The following CDK8 variants were observed in gnomAD, a reference collection of about 807,000 sequenced individuals.
The protein encoded by CDK8 is cyclin-dependent kinase 8.
A neutral mutation model predicts 71.5 loss-of-function variants in CDK8; 29 were observed. The ratio of observed to expected loss-of-function variants is 0.41; its 90% confidence interval spans 0.30 to 0.55. The LOEUF (loss-of-function observed/expected upper bound fraction) is 0.55, where lower values mean the gene tolerates loss of function less well. CDK8 is among the 20% of genes least tolerant of loss of function. The pLI is 0.37. For synonymous variants in CDK8, 161 were observed against 192.1 expected (o/e 0.84, Z 1.34); for missense variants, 288 against 572.6 (o/e 0.50, Z 5.07).
At chr13:26,400,382 G>A (rs1460256648) in intron 9 of CDK8, 71 bp from the exon 10 acceptor site, 21 of 898,974 alleles carry the variant, frequency 2.3e-5, no homozygotes, top group South Asian at 7.0e-5. Context: ...AATATATATC[G>A]TCTTCACATA....
intron 4 of CDK8, among the ~76,000 whole-genome samples, chr13:26,377,346 C>T (rs1424688269): frequency 6.6e-6 from 1 of 152,228 alleles, no homozygotes; most frequent in Non-Finnish European, 1.5e-5. Flanking sequence ...TTAGCCTAGA[C>T]TATGACCTCT....
intron 4 of CDK8, among the ~76,000 whole-genome samples, chr13:26,369,281 CA>C (rs113696527): frequency 0.045 from 6,280 of 138,252 alleles, 403 homozygotes; most frequent in African/African-American, 0.15. Flanking sequence ...GCCATCTCTA[CA>C]AAAAAAAAAA....
intron 9 of CDK8, among the ~76,000 whole-genome samples, chr13:26,399,625 T>C (rs1162679097): frequency 6.6e-6 from 1 of 152,252 alleles, no homozygotes; most frequent in Admixed American, 6.5e-5. Flanking sequence ...GTGTGGCATT[T>C]ATAGTAATAA....
At chr13:26,371,253 C>T (rs1037243845) in intron 4 of CDK8, among the ~76,000 whole-genome samples, 9 of 152,170 alleles carry the variant, frequency 5.9e-5, no homozygotes, top group African/African-American at 1.7e-4. Context: ...ATATAAGTCA[C>T]ATTTAGTCTG....
chr13:26,333,327 A>G (rs1027752033), intron 1 of CDK8, among the ~76,000 whole-genome samples: 1 of 152,024 alleles, frequency 6.6e-6, no homozygotes, highest in Non-Finnish European at 1.5e-5. Flanking sequence ...TTTAGTACAG[A>G]TGGGGTTTCA....
intron 4 of CDK8, among the ~76,000 whole-genome samples, chr13:26,374,391 A>G (rs900593674): frequency 1.3e-5 from 2 of 152,160 alleles, no homozygotes; most frequent in African/African-American, 4.8e-5. Flanking sequence ...ATCACAGTAT[A>G]TTAAATGTAT....
intron 1 of CDK8, among the ~76,000 whole-genome samples, chr13:26,333,312 G>A (rs181651765): frequency 1.3e-3 from 198 of 151,962 alleles, no homozygotes; most frequent in Non-Finnish European, 2.3e-3. Flanking sequence ...GCTAAGTTTC[G>A]TATTTTTAGT....
rs890059871 is a variant in CDK8 at position 26,320,253 on chromosome 13, G to GA, written c.129-17304dup. On this transcript the variant is annotated intron_variant, in intron 1 of 12. Transcript: ENST00000381527. ...TGTCTCTACAAAAAAATTTAAAAAA[G>GA]AAAAAAAAAAGGCTGTGTGTGGTAG... is the stretch of plus-strand genomic sequence containing the variant. 1.3e-4 allele frequency among the ~76,000 whole-genome samples: 19 copies of GA among 143,898 alleles called. 1 individual carries two copies. The highest frequency in any genetic ancestry group is 2.8e-4 in the Admixed American group (4 of 14,386). 94.4% of individuals were successfully genotyped at this position (143,898 alleles called of 152,430 possible). A position where few individuals can be genotyped will look rare whatever the true frequency, so the allele number is the denominator to read the frequency against.
At chr13:26,280,668 T>C (rs1001474056) in intron 1 of CDK8, among the ~76,000 whole-genome samples, 6 of 152,276 alleles carry the variant, frequency 3.9e-5, no homozygotes, top group African/African-American at 1.4e-4. Context: ...TACTGTGTTG[T>C]CTACCTTTTC....
intron 1 of CDK8, among the ~76,000 whole-genome samples, chr13:26,324,367 C>G (rs1874927861): frequency 6.6e-6 from 1 of 151,998 alleles, no homozygotes; most frequent in Non-Finnish European, 1.5e-5. Context: ...GATTTGGTGA[C>G]TATATTACTA....
At chr13:26,319,149 A>G (rs1259239186) in intron 1 of CDK8, among the ~76,000 whole-genome samples, 5 of 152,236 alleles carry the variant, frequency 3.3e-5, no homozygotes, top group East Asian at 1.9e-4. Flanking sequence ...GATTATGAAG[A>G]AATTCTATTT....
intron 4 of CDK8, among the ~76,000 whole-genome samples, chr13:26,366,018 A>G (rs1361809846): frequency 2.0e-5 from 3 of 152,122 alleles, no homozygotes; most frequent in African/African-American, 4.8e-5. Flanking sequence ...CTTTCTAGTA[A>G]TAGAGTCAGG....
At chr13:26,266,133 A>G (rs1192110372) in intron 1 of CDK8, among the ~76,000 whole-genome samples, 1 of 152,188 alleles carries the variant, frequency 6.6e-6, no homozygotes, top group Non-Finnish European at 1.5e-5. Context: ...GCCAAAACAG[A>G]AAGAGGAGCA....
At chr13:26,337,119 A>G (rs1047142709) in intron 1 of CDK8, among the ~76,000 whole-genome samples, 5 of 152,206 alleles carry the variant, frequency 3.3e-5, no homozygotes, top group Non-Finnish European at 5.9e-5. Flanking sequence ...ATTATTTATT[A>G]TCAAATTATG....
intron 1 of CDK8, among the ~76,000 whole-genome samples, chr13:26,274,031 A>T (rs1343806021): frequency 6.6e-6 from 1 of 152,164 alleles, no homozygotes; most frequent in African/African-American, 2.4e-5. Context: ...ATTGTACTTT[A>T]AAAAACATTT....
chr13:26,315,274 A>G (rs1401678407), intron 1 of CDK8, among the ~76,000 whole-genome samples: 1 of 152,204 alleles, frequency 6.6e-6, no homozygotes, highest in Non-Finnish European at 1.5e-5. Context: ...TTGAAACTTT[A>G]GGTAGTGTTT....
chr13:26,262,515 G>A (rs904194568), intron 1 of CDK8, among the ~76,000 whole-genome samples: 2 of 152,174 alleles, frequency 1.3e-5, no homozygotes, highest in South Asian at 2.1e-4. Flanking sequence ...ACCAGGAGAA[G>A]CAAAATTTGA....
At chr13:26,345,637 C>A (rs1873432891) in intron 2 of CDK8, among the ~76,000 whole-genome samples, 1 of 152,200 alleles carries the variant, frequency 6.6e-6, no homozygotes, top group Admixed American at 6.5e-5. Context: ...CCTGCCTCGG[C>A]CTCCCAAAGT....
rs184954243 is a variant in CDK8 at position 26,320,014 on chromosome 13, C to T, written c.129-17553C>T. On this transcript the variant is annotated intron_variant, in intron 1 of 12. Transcript: ENST00000381527. ...AAACGGTACTGATAAAACTGTATAT[C>T]GACATTCAAAAGAATGAAGTTGGAC... is the stretch of plus-strand genomic sequence containing the variant. Among the ~76,000 whole-genome samples the T allele has an allele frequency of 3.9e-5, 6 of 152,094 alleles. No individual in the cohort carries two copies. In the East Asian group the frequency reaches 1.2e-3, roughly 29 times the overall value.
Sources: gnomAD v4.1 joint callset for allele counts (sites outside exome capture counted in the v4.1 genomes callset) on GRCh38, gnomAD v4.1.1 for gene constraint, MANE v1.5 for transcripts, NCBI Gene and HGNC (gene_info 2026-07-23, HGNC 2026-07-21) for gene names.